The following SNX8 variants were observed in gnomAD, a reference collection of about 807,000 sequenced individuals.
SNX8 encodes sorting nexin 8, also known as sorting nexin-8.
In SNX8, 25 loss-of-function variants were observed where a neutral mutation model predicts 51.6. That is an observed-to-expected ratio of 0.48 (90% CI 0.35 to 0.68). The LOEUF is 0.68. Among genes scored for constraint, SNX8 ranks in the 30% least tolerant of loss-of-function variants. SNX8 has a pLI of 0.00. For missense variants in SNX8, 695 were observed against 624.0 expected, an observed-to-expected ratio of 1.11 and a Z score of -1.21; for synonymous variants, 324 against 277.0, an observed-to-expected ratio of 1.17 and a Z score of -1.68.
intron 1 of SNX8, among the ~76,000 whole-genome samples, chr7:2,322,842 C>A (rs1461540327): frequency 6.8e-6 from 1 of 146,918 alleles, no homozygotes; most frequent in African/African-American, 2.5e-5. Context: ...CATGGTGAAA[C>A]CCTGTCTCTA....
intron 1 of SNX8, among the ~76,000 whole-genome samples, chr7:2,306,475 T>C (rs1262517641): frequency 6.6e-6 from 1 of 152,174 alleles, no homozygotes; most frequent in African/African-American, 2.4e-5. Context: ...GTGGCAAGAA[T>C]ATCTCTAACT....
chr7:2,347,934 G>A (rs1014296330), intron 1 of SNX8, among the ~76,000 whole-genome samples: 3 of 151,976 alleles, frequency 2.0e-5, no homozygotes, highest in African/African-American at 7.2e-5. Context: ...GAGCCACCAC[G>A]CCTGGCCCAC....
chr7:2,282,613 A>T (rs976034069), intron 1 of SNX8, among the ~76,000 whole-genome samples: 2 of 152,222 alleles, frequency 1.3e-5, no homozygotes, highest in African/African-American at 4.8e-5. Flanking sequence ...AACACAGAGC[A>T]GGTGAGCACT....
chr7:2,317,492 G>GTC (rs1479863738), upstream of SNX8, among the ~76,000 whole-genome samples: 3 of 151,756 alleles, frequency 2.0e-5, no homozygotes, highest in Admixed American at 6.6e-5. Flanking sequence ...GGCCAGGCTG[G>GTC]TCTCGAACTC....
At chr7:2,264,534 C>A in intron 5 of SNX8, 76 bp from the exon 6 acceptor site, 1 of 1,486,932 alleles carries the variant, frequency 6.7e-7, no homozygotes, top group South Asian at 1.2e-5. Context: ...GCCGGTCCCC[C>A]AGAAGCTGAG....
chr7:2,320,427 T>G (rs1000223243), intron 1 of SNX8, among the ~76,000 whole-genome samples: 8 of 152,064 alleles, frequency 5.3e-5, no homozygotes, highest in African/African-American at 1.9e-4. Context: ...TATCAAAATT[T>G]GTATGGCTAG....
chr7:2,280,641 T>A (rs1011399222), intron 1 of SNX8, among the ~76,000 whole-genome samples: 1 of 152,196 alleles, frequency 6.6e-6, no homozygotes, highest in African/African-American at 2.4e-5. Context: ...TTTGATTGCA[T>A]GAGAATCTGA....
At chr7:2,299,147 C>T (rs1018996145) in intron 1 of SNX8, among the ~76,000 whole-genome samples, 1 of 152,026 alleles carries the variant, frequency 6.6e-6, no homozygotes, top group Non-Finnish European at 1.5e-5. Flanking sequence ...AACCAGACCA[C>T]GCCTGAGGTT....
chr7:2,271,758 G>A (rs1434896635), intron 4 of SNX8, 92 bp downstream of exon 4: 4 of 1,442,286 alleles, frequency 2.8e-6, no homozygotes, highest in Admixed American at 4.3e-5. Flanking sequence ...GGGACCAGGA[G>A]GATAAGAAAC....
chr7:2,331,942 A>C (rs1184944779), intron 1 of SNX8, among the ~76,000 whole-genome samples: 1 of 152,026 alleles, frequency 6.6e-6, no homozygotes, highest in Non-Finnish European at 1.5e-5. Context: ...GTGGTGGCTC[A>C]GTCCTGCAAT....
At chr7:2,290,646 G>A (rs372490320) in intron 1 of SNX8, among the ~76,000 whole-genome samples, 5 of 152,188 alleles carry the variant, frequency 3.3e-5, no homozygotes, top group African/African-American at 4.8e-5. Context: ...GAGGGTGGCC[G>A]AGGCAGGGCA....
chr7:2,287,229 C>G lies in SNX8; in HGVS notation c.95-8924G>C, dbSNP rs542371654. On this transcript the variant is annotated intron_variant, in intron 1 of 10. Coordinates refer to ENST00000222990, the MANE Select transcript of SNX8 (RefSeq NM_013321.4). ...AACTCCTGGGCTCAAGCAATCCAGCCTGGGCAACAGAGCAAGACTCTGTTT... is the reference window on the plus strand; with the variant it reads ...AACTCCTGGGCTCAAGCAATCCAGCGTGGGCAACAGAGCAAGACTCTGTTT... Among the ~76,000 whole-genome samples, 28 of 148,002 alleles carry G rather than the reference C, an allele frequency of 1.9e-4. 1 individual carries two copies. The South Asian group carries it at 6.1e-3, about 32-fold the overall frequency.
chr7:2,324,293 CTTTT>C (rs370841279), intron 1 of SNX8, among the ~76,000 whole-genome samples: 2 of 137,482 alleles, frequency 1.5e-5, no homozygotes, highest in Admixed American at 7.6e-5. Flanking sequence ...TTCTTTCTTT[CTTTT>C]TTTTTTTTTT....
intron 1 of SNX8, among the ~76,000 whole-genome samples, chr7:2,283,408 C>T (rs568187673): frequency 1.4e-4 from 21 of 152,340 alleles, no homozygotes; most frequent in Non-Finnish European, 2.5e-4. Context: ...TCCAGGTCCG[C>T]GCCGCCCAGG....
rs989391554 is a variant in SNX8, at chr7:2,257,717, G to A, written c.984+18C>T. 14 of 1,612,484 alleles carry A rather than the reference G, an allele frequency of 8.7e-6. No individual in the cohort carries two copies. The highest frequency in any genetic ancestry group is 1.1e-5 in the Non-Finnish European group (13 of 1,178,678). ...TCCTGAAAGTTCTGCCCCCAGCCAA[G>A]GAGCAGCCAAGACTCACCTTATAGG... On this transcript the variant is annotated intron_variant, in intron 8 of 10. Coordinates refer to ENST00000222990, the MANE Select transcript of SNX8 (RefSeq NM_013321.4).
chr7:2,335,256 G>A (rs1382625993), intron 1 of SNX8, among the ~76,000 whole-genome samples: 1 of 152,042 alleles, frequency 6.6e-6, no homozygotes, highest in African/African-American at 2.4e-5. Context: ...TTCATGAACA[G>A]CCAACGGATA....
intron 1 of SNX8, among the ~76,000 whole-genome samples, chr7:2,292,805 G>C (rs1417601726): frequency 9.9e-5 from 15 of 151,994 alleles, no homozygotes; most frequent in Admixed American, 3.3e-4. Context: ...GGGTTTCCTC[G>C]AGGCTAGATT....
At chr7:2,351,691 T>C (rs556033786) in intron 1 of SNX8, among the ~76,000 whole-genome samples, 93 of 150,974 alleles carry the variant, frequency 6.2e-4, no homozygotes, top group South Asian at 1.9e-3. Flanking sequence ...ATTAGCCGGG[T>C]GTGGTGGCAG....
At chr7:2,338,073 C>A (rs1159556097) in intron 1 of SNX8, among the ~76,000 whole-genome samples, 1 of 152,144 alleles carries the variant, frequency 6.6e-6, no homozygotes, top group Non-Finnish European at 1.5e-5. Context: ...CGCCTGTAAT[C>A]CTAACACTTT....
Sources: gnomAD v4.1 joint callset for allele counts (sites outside exome capture counted in the v4.1 genomes callset) on GRCh38, gnomAD v4.1.1 for gene constraint, MANE v1.5 for transcripts, NCBI Gene and HGNC (gene_info 2026-07-23, HGNC 2026-07-21) for gene names.